The following HOMER1 variants were observed in gnomAD, a reference collection of about 807,000 sequenced individuals.
HOMER1 encodes the protein homer protein homolog 1.
A neutral mutation model predicts 48.9 loss-of-function variants in HOMER1; 3 were observed. The ratio of observed to expected loss-of-function variants is 0.06; its 90% CI spans 0.03 to 0.16. HOMER1 has a LOEUF of 0.16. Ranked by LOEUF, HOMER1 falls within the 10% of genes least tolerant of loss-of-function variation. The pLI, the probability that HOMER1 is intolerant of heterozygous loss-of-function variation, is 1.00. For synonymous variants in HOMER1, 134 were observed against 146.4 expected (o/e 0.92, Z 0.61); for missense variants, 247 against 411.4 (o/e 0.60, Z 3.46).
intron 4 of HOMER1, among the ~76,000 whole-genome samples, chr5:79,444,818 C>T (rs936341497): frequency 1.3e-5 from 2 of 152,294 alleles, no homozygotes; most frequent in Admixed American, 1.3e-4. Flanking sequence ...TGTATTGCCA[C>T]TTAATTTTAA....
chr5:79,454,390 G>A (rs1297401279), intron 2 of HOMER1, among the ~76,000 whole-genome samples: 14 of 151,710 alleles, frequency 9.2e-5, no homozygotes, highest in African/African-American at 1.9e-4. Flanking sequence ...AAGGAGGCAC[G>A]TTATCTGTCG....
At chr5:79,423,586 C>T (rs1249778525) in intron 5 of HOMER1, among the ~76,000 whole-genome samples, 1 of 152,050 alleles carries the variant, frequency 6.6e-6, no homozygotes, top group African/African-American at 2.4e-5. Context: ...GCTAATCTGC[C>T]TTATGTAATG....
At chr5:79,493,476 C>T (rs1752343363) in intron 1 of HOMER1, among the ~76,000 whole-genome samples, 1 of 152,162 alleles carries the variant, frequency 6.6e-6, no homozygotes. Flanking sequence ...GTTCACAGAT[C>T]TCATATACTT....
At chr5:79,512,726 T>C (rs373669484) in intron 1 of HOMER1, 44 bp downstream of exon 1, 2 of 1,597,934 alleles carry the variant, frequency 1.3e-6, no homozygotes, top group East Asian at 2.2e-5. Context: ...ATAATACACA[T>C]ACATAAACAG....
At chr5:79,419,159 T>C (rs1045459805) in intron 5 of HOMER1, among the ~76,000 whole-genome samples, 2 of 152,214 alleles carry the variant, frequency 1.3e-5, no homozygotes, top group Non-Finnish European at 2.9e-5. Flanking sequence ...CTATCATTAA[T>C]ACCTGAAAGA....
chr5:79,465,717 C>T (rs554847665), intron 1 of HOMER1, among the ~76,000 whole-genome samples: 98 of 150,954 alleles, frequency 6.5e-4, no homozygotes, highest in African/African-American at 2.1e-3. Context: ...CTCAGCCTCC[C>T]GAGTAGCTGG....
chr5:79,379,972 C>T (rs1212201505), intron 8 of HOMER1, among the ~76,000 whole-genome samples: 1 of 152,082 alleles, frequency 6.6e-6, no homozygotes, highest in Non-Finnish European at 1.5e-5. Context: ...TTGTACTTGC[C>T]TCCTCTACTA....
At chr5:79,384,028 A>G (rs1403619478) in intron 8 of HOMER1, among the ~76,000 whole-genome samples, 2 of 152,114 alleles carry the variant, frequency 1.3e-5, no homozygotes, top group East Asian at 3.9e-4. Context: ...AGGCAAGTTT[A>G]TAGCAATAAA....
At chr5:79,406,947 C>G (rs1749675771) in intron 5 of HOMER1, among the ~76,000 whole-genome samples, 2 of 152,130 alleles carry the variant, frequency 1.3e-5, no homozygotes, top group South Asian at 4.1e-4. Context: ...ACAGAGAACC[C>G]CATTCTGTCG....
chr5:79,395,969 T>C (rs1239595636), intron 8 of HOMER1, among the ~76,000 whole-genome samples: 2 of 152,186 alleles, frequency 1.3e-5, no homozygotes, highest in Admixed American at 1.3e-4. Flanking sequence ...TTATTATGCC[T>C]TATCTCAGAT....
At chr5:79,397,426 C>G in intron 7 of HOMER1, 101 bp downstream of exon 7, 1 of 777,006 alleles carries the variant, frequency 1.3e-6, no homozygotes, top group Non-Finnish European at 2.1e-6. Flanking sequence ...GAGGTCACAA[C>G]CTGACTTTAT....
intron 5 of HOMER1, among the ~76,000 whole-genome samples, chr5:79,422,517 T>C (rs1437115841): frequency 4.6e-5 from 7 of 151,926 alleles, no homozygotes; most frequent in East Asian, 1.9e-4. Flanking sequence ...TACCTATCTA[T>C]AGATTTTAGA....
chr5:79,429,341 C>T (rs908020475), intron 5 of HOMER1, among the ~76,000 whole-genome samples: 1 of 152,124 alleles, frequency 6.6e-6, no homozygotes, highest in Non-Finnish European at 1.5e-5. Context: ...CCCCACTGCA[C>T]TCCAGTTTGG....
rs1369784604 is a variant in HOMER1, at chr5:79,375,057, CCATT to C, written c.*948_*951del. 6.6e-6 allele frequency: 1 copy of C among 152,010 alleles called. No individual in the cohort carries two copies. Among genetic ancestry groups the C allele is most frequent in the African/African-American group, 2.4e-5 (1 of 41,412 alleles). 9.4% of individuals were successfully genotyped at this position (152,010 alleles called of 1,614,324 possible). A position where few individuals can be genotyped will look rare whatever the true frequency, so the allele number is the denominator to read the frequency against. ...TCTATAATAAACAGTTCCCCAATAA[CCATT>C]ATTATTCGTAAATTGAAATGCATTG... is the stretch of plus-strand genomic sequence containing the variant. On this transcript the variant is annotated 3_prime_UTR_variant, in exon 9 of 9. Coordinates refer to ENST00000334082, the MANE Select transcript of HOMER1 (RefSeq NM_004272.5).
At chr5:79,403,727 G>T (rs1749589844) in intron 5 of HOMER1, among the ~76,000 whole-genome samples, 1 of 152,104 alleles carries the variant, frequency 6.6e-6, no homozygotes, top group African/African-American at 2.4e-5. Flanking sequence ...ATTGTATTAT[G>T]GTTACACAAG....
At chr5:79,500,747 C>T (rs1424139734) in intron 1 of HOMER1, among the ~76,000 whole-genome samples, 1 of 149,086 alleles carries the variant, frequency 6.7e-6, no homozygotes, top group Admixed American at 6.9e-5. Context: ...GCCTCAACTT[C>T]CTGAGAAGCT....
rs564199215 is a variant in HOMER1 at position 79,386,166 on chromosome 5, G to A, written c.877-9969C>T. On this transcript the variant is annotated intron_variant, in intron 8 of 8. Coordinates refer to ENST00000334082, the MANE Select transcript of HOMER1 (RefSeq NM_004272.5). ...TACATCAAAGGGATACCCACACTGGGATGTTTATCACAGCACTATTCACAA... is the reference window on the plus strand; with the variant it reads ...TACATCAAAGGGATACCCACACTGGAATGTTTATCACAGCACTATTCACAA... 1.4e-4 allele frequency among the ~76,000 whole-genome samples: 22 copies of A among 152,218 alleles called. No individual in the cohort carries two copies. The East Asian group carries it at 4.2e-3, about 29-fold the overall frequency.
chr5:79,400,236 C>T (rs2112218409), intron 6 of HOMER1, among the ~76,000 whole-genome samples: 1 of 152,104 alleles, frequency 6.6e-6, no homozygotes, highest in East Asian at 1.9e-4. Flanking sequence ...AGTCTATACC[C>T]ATTAAACAAC....
intron 4 of HOMER1, among the ~76,000 whole-genome samples, chr5:79,444,566 G>C (rs1425123992): frequency 6.6e-6 from 1 of 152,096 alleles, no homozygotes; most frequent in African/African-American, 2.4e-5. Flanking sequence ...TCAAAGCAGA[G>C]GCTTAAAGTC....
Sources: allele counts gnomAD v4.1 joint callset (sites outside exome capture counted in the v4.1 genomes callset), GRCh38; gene constraint gnomAD v4.1.1; transcripts MANE v1.5; gene names NCBI Gene and HGNC (gene_info 2026-07-23, HGNC 2026-07-21).